Variants in TP53BP2 observed in about 807,000 individuals in gnomAD.
TP53BP2 encodes tumor protein p53 binding protein 2.
In TP53BP2, 62 loss-of-function variants were observed where a neutral mutation model predicts 126.2. The ratio of observed to expected loss-of-function variants is 0.49; its 90% CI spans 0.40 to 0.61. The LOEUF (loss-of-function observed/expected upper bound fraction) is 0.61, where lower values mean the gene tolerates loss of function less well. TP53BP2 is among the 20% of genes least tolerant of loss of function. The pLI, the probability that TP53BP2 is intolerant of heterozygous loss-of-function variation, is 0.00. For missense variants in TP53BP2, 1,215 were observed against 1,402.8 expected (o/e 0.87, Z 2.14); for synonymous variants, 485 against 502.9 (o/e 0.96, Z 0.48).
chr1:223,831,422 A>C (rs1442463949), intron 1 of TP53BP2, among the ~76,000 whole-genome samples: 1 of 142,908 alleles, frequency 7.0e-6, no homozygotes, highest in Non-Finnish European at 1.5e-5. Context: ...AAAAGTAAAA[A>C]TATGTGTGTC....
intron 1 of TP53BP2, among the ~76,000 whole-genome samples, chr1:223,824,914 T>TTCTTTGTA (rs1381334872): frequency 1.3e-5 from 2 of 151,954 alleles, no homozygotes; most frequent in Non-Finnish European, 2.9e-5. Context: ...TGGAATGCGC[T>TTCTTTGTA]TCTTTGTATG....
intron 1 of TP53BP2, among the ~76,000 whole-genome samples, chr1:223,831,967 T>C (rs995873476): frequency 6.6e-6 from 1 of 152,170 alleles, no homozygotes; most frequent in East Asian, 1.9e-4. Flanking sequence ...ACTATGATGT[T>C]ATGCTATCAA....
intron 1 of TP53BP2, among the ~76,000 whole-genome samples, chr1:223,844,263 G>T (rs1383239803): frequency 2.0e-5 from 3 of 152,130 alleles, no homozygotes; most frequent in Non-Finnish European, 4.4e-5. Context: ...GCCACATAAC[G>T]TTTTATGAAT....
At chr1:223,786,466 C>T (rs569409576) in intron 16 of TP53BP2, among the ~76,000 whole-genome samples, 13 of 151,966 alleles carry the variant, frequency 8.6e-5, no homozygotes, top group Non-Finnish European at 1.6e-4. Context: ...ACCAAATATC[C>T]CTAATGTTTA....
At chr1:223,834,820 C>G in intron 1 of TP53BP2, 1 of 985,328 alleles carries the variant, frequency 1.0e-6, no homozygotes, top group Non-Finnish European at 1.2e-6. Flanking sequence ...CCATCCCTAC[C>G]CACACACTCA....
In TP53BP2 at chr1:223,799,979, C is replaced by T. The variant is rs142275576; in HGVS notation, c.1405G>A (p.Val469Ile). 1.1e-3 allele frequency: 1,838 copies of T among 1,613,600 alleles called. 2 individuals carry two copies. Among genetic ancestry groups the T allele is most frequent in the Non-Finnish European group, 1.5e-3 (1,738 of 1,179,766 alleles). Reference sequence around the variant, plus strand: ...GAAGGTGGGGCATTGGACTGGTCTACTGCATCAAACATTGAGAACGGACGC... The same window carrying T: ...GAAGGTGGGGCATTGGACTGGTCTATTGCATCAAACATTGAGAACGGACGC... ...KVRPFSMFDA[V>I]DQSNAPPSFG... is the part of the protein sequence containing the mutation. The change falls in exon 11 of 18, where the codon GTA becomes ATA. Residue 469 changes from valine (V) to isoleucine (I), a missense_variant. Around this residue, in one of 4 missense-constraint regions of TP53BP2, gnomAD observed 814 missense variants for 853.0 expected, o/e 0.95. Transcript: ENST00000343537.
intron 8 of TP53BP2, 73 bp downstream of exon 8, chr1:223,802,658 C>T (rs925188805): frequency 8.5e-6 from 13 of 1,533,282 alleles, no homozygotes; most frequent in African/African-American, 5.5e-5. Context: ...GAAGAAGATG[C>T]CTATGAGTAA....
intron 13 of TP53BP2, among the ~76,000 whole-genome samples, 163 bp from the exon 14 acceptor site, chr1:223,793,603 G>A (rs935530006): frequency 6.6e-6 from 1 of 152,210 alleles, no homozygotes; most frequent in Non-Finnish European, 1.5e-5. Context: ...AAAAGTATAC[G>A]AATCTGACAT....
At chr1:223,791,139 A>G (rs1662140971) in intron 15 of TP53BP2, among the ~76,000 whole-genome samples, 1 of 152,126 alleles carries the variant, frequency 6.6e-6, no homozygotes, top group Non-Finnish European at 1.5e-5. Context: ...TATGAAAAAG[A>G]GCTTGGGCCA....
At chr1:223,797,478 T>C (rs1662365593) in intron 12 of TP53BP2, among the ~76,000 whole-genome samples, 1 of 151,982 alleles carries the variant, frequency 6.6e-6, no homozygotes, top group Non-Finnish European at 1.5e-5. Flanking sequence ...GAGTGCACCA[T>C]CTCGGCTCAC....
Position 223,792,491 on chromosome 1 carries a change from C to T in TP53BP2, c.2894G>A (p.Gly965Asp). The T allele has an allele frequency of 6.8e-6, 11 of 1,613,980 alleles. No homozygotes were observed. The highest frequency in any genetic ancestry group is 9.3e-6 in the Non-Finnish European group (11 of 1,179,928). ...CACAGCATTGTGAAGAGCCGTGATG[C>T]CTTCATCATTGGGGAGGCTTGGGTC... ...VDDPSLPNDE[G>D]ITALHNAVCA... The change falls in exon 15 of 18, where the codon GGC becomes GAC. Residue 965 changes from glycine (G) to aspartate (D), a missense_variant. Coordinates refer to ENST00000343537, the MANE Select transcript of TP53BP2 (RefSeq NM_001031685.3).
chr1:223,794,300 G>A (rs1051391816), intron 13 of TP53BP2, among the ~76,000 whole-genome samples: 4 of 152,196 alleles, frequency 2.6e-5, no homozygotes, highest in African/African-American at 9.7e-5. Flanking sequence ...TATCTCAGAT[G>A]TGGAAAATTG....
Position 223,800,034 on chromosome 1 carries a change from C to T in TP53BP2, c.1350G>A (p.Glu450=). 6.2e-7 allele frequency: 1 copy of T among 1,607,598 alleles called. No homozygotes were observed. Among genetic ancestry groups the T allele is most frequent in the South Asian group, 1.1e-5 (1 of 89,886 alleles). ...TCTTCTCTTTCTCCCTCAGCGGAACCTCTCCATCATCAACTAAAGACAAAA... is the reference window on the plus strand; with the variant it reads ...TCTTCTCTTTCTCCCTCAGCGGAACTTCTCCATCATCAACTAAAGACAAAA... The part of the protein sequence containing the change: ...GNALDQVDDG[E]VPLREKEKKV... The change falls in exon 11 of 18, where the codon GAG becomes GAA. Residue 450 remains glutamate, a synonymous_variant. Transcript: ENST00000343537.
At chr1:223,809,214 G>A (rs116024579) in intron 4 of TP53BP2, among the ~76,000 whole-genome samples, 302 of 152,108 alleles carry the variant, frequency 2.0e-3, no homozygotes, top group Non-Finnish European at 2.7e-3. Flanking sequence ...CTAAAACAAC[G>A]GCTAAGATCA....
chr1:223,843,801 G>A (rs969658107), intron 1 of TP53BP2, among the ~76,000 whole-genome samples: 3 of 152,224 alleles, frequency 2.0e-5, no homozygotes, highest in African/African-American at 7.2e-5. Context: ...CTTAATAAAA[G>A]TTTTATTTTC....
chr1:223,799,742 C>T (rs374582742), intron 11 of TP53BP2, among the ~76,000 whole-genome samples, 157 bp downstream of exon 11: 15 of 152,326 alleles, frequency 9.8e-5, no homozygotes, highest in Admixed American at 5.9e-4. Context: ...AACAGACTCA[C>T]GCAAGAGAAA....
intron 2 of TP53BP2, among the ~76,000 whole-genome samples, chr1:223,819,125 A>G (rs1396342645): frequency 1.3e-5 from 2 of 151,476 alleles, no homozygotes; most frequent in Admixed American, 6.6e-5. Flanking sequence ...CGGAGGTTGC[A>G]GTGAGCCGAG....
chr1:223,835,429 T>G (rs1663889416), intron 1 of TP53BP2, among the ~76,000 whole-genome samples: 1 of 152,246 alleles, frequency 6.6e-6, no homozygotes, highest in Admixed American at 6.5e-5. Context: ...CGGCTCCAAC[T>G]ATTGATAAGT....
intron 3 of TP53BP2, among the ~76,000 whole-genome samples, chr1:223,812,175 T>C (rs906285565): frequency 1.4e-4 from 21 of 152,140 alleles, no homozygotes; most frequent in African/African-American, 5.1e-4. Flanking sequence ...GCTGAGGTGA[T>C]TCAGGTTCCA....
Sources: allele counts gnomAD v4.1 joint callset (sites outside exome capture counted in the v4.1 genomes callset), GRCh38; gene constraint gnomAD v4.1.1; regional missense constraint gnomAD v4.1.1; transcripts MANE v1.5; gene names NCBI Gene and HGNC (gene_info 2026-07-23, HGNC 2026-07-21).